The following CAMK2D variants were observed in gnomAD, a reference collection of about 807,000 sequenced individuals.
The protein encoded by CAMK2D is calcium/calmodulin dependent protein kinase II delta.
CAMK2D carries 37 observed loss-of-function variants against 84.0 expected under a neutral mutation model. The observed-to-expected ratio is 0.44, with a 90% CI of 0.34 to 0.58. The LOEUF is 0.58. CAMK2D is among the 20% of genes least tolerant of loss of function. The pLI is 0.02. For synonymous variants in CAMK2D, 202 were observed against 212.5 expected (o/e 0.95, Z 0.43); for missense variants, 448 against 652.5 (o/e 0.69, Z 3.41).
At chr4:113,637,929 G>T (rs1423924994) in intron 3 of CAMK2D, among the ~76,000 whole-genome samples, 2 of 151,986 alleles carry the variant, frequency 1.3e-5, no homozygotes, top group Non-Finnish European at 2.9e-5. Context: ...CCAGTTTGTG[G>T]ACCAAAAGCA....
In CAMK2D at chr4:113,451,438, C is replaced by T. The variant is rs2097257229; in HGVS notation, c.*3107G>A. On this transcript the variant is annotated 3_prime_UTR_variant, in exon 21 of 21. Transcript: ENST00000511664. ...TTTCTATCAAATATCATTCTAGTCACTCTGTACCCATTAATCCTCACAATA... is the reference window on the plus strand; with the variant it reads ...TTTCTATCAAATATCATTCTAGTCATTCTGTACCCATTAATCCTCACAATA... 6.6e-6 allele frequency: 1 copy of T among 152,182 alleles called. No homozygotes were observed. The allele number at this position is 152,182 out of a possible 1,614,324, so 9.4% of individuals were successfully genotyped here. A position where few individuals can be genotyped will look rare whatever the true frequency, so the allele number is the denominator to read the frequency against.
intron 3 of CAMK2D, among the ~76,000 whole-genome samples, chr4:113,638,365 A>T (rs2099118333): frequency 6.6e-6 from 1 of 152,104 alleles, no homozygotes. Context: ...GAAAAATGAG[A>T]TAGAGGTTTG....
At chr4:113,517,949 T>C (rs1212617568) in intron 8 of CAMK2D, among the ~76,000 whole-genome samples, 1 of 152,162 alleles carries the variant, frequency 6.6e-6, no homozygotes, top group Admixed American at 6.5e-5. Context: ...TTGGCCCCCC[T>C]GAACTCTTGT....
intron 8 of CAMK2D, among the ~76,000 whole-genome samples, chr4:113,521,033 A>G (rs183469926): frequency 6.6e-6 from 1 of 152,312 alleles, no homozygotes; most frequent in East Asian, 1.9e-4. Context: ...ACAAACAAAC[A>G]AACAAAATGA....
chr4:113,546,428 C>T (rs1340661958), intron 6 of CAMK2D, among the ~76,000 whole-genome samples: 1 of 152,148 alleles, frequency 6.6e-6, no homozygotes, highest in Non-Finnish European at 1.5e-5. Context: ...TTAACCATAC[C>T]TTTGCTTTTG....
intron 2 of CAMK2D, among the ~76,000 whole-genome samples, chr4:113,698,040 T>G (rs1300818431): frequency 6.6e-6 from 1 of 152,064 alleles, no homozygotes; most frequent in Non-Finnish European, 1.5e-5. Flanking sequence ...ATTTAATACA[T>G]CTAACTTAAC....
chr4:113,711,458 G>A (rs2154355000), intron 2 of CAMK2D, among the ~76,000 whole-genome samples: 2 of 152,220 alleles, frequency 1.3e-5, no homozygotes, highest in African/African-American at 4.8e-5. Flanking sequence ...TTGTATAGAT[G>A]TGAACATATT....
rs376341305 is a variant in CAMK2D, at chr4:113,710,897, C to T, written c.160+48423G>A. Among the ~76,000 whole-genome samples, 73 of 152,186 alleles carry T rather than the reference C, an allele frequency of 4.8e-4. 3 individuals are homozygous for T. In the South Asian group the frequency reaches 0.013, roughly 28 times the overall value. ...GTACACAACTTCAATAGTAAGAGAT[C>T]GAATGTTTCTCTAATGCATGTCTTC... is the stretch of plus-strand genomic sequence containing the variant. On this transcript the variant is annotated intron_variant, in intron 2 of 20. Transcript: ENST00000511664.
chr4:113,673,687 G>A lies in CAMK2D; in HGVS notation c.161-11915C>T, dbSNP rs558131704. Among the ~76,000 whole-genome samples, 4 of 152,330 alleles carry A rather than the reference G, an allele frequency of 2.6e-5. No individual in the cohort carries two copies. In the East Asian group the frequency reaches 7.7e-4, roughly 29 times the overall value. On this transcript the variant is annotated intron_variant, in intron 2 of 20. Transcript: ENST00000511664. ...ACAGCTCTTCTCTAAAAGGCCCTAA[G>A]GGCAGCCAGTGAGTGGGAGAGGAAG...
intron 4 of CAMK2D, among the ~76,000 whole-genome samples, chr4:113,602,217 T>C (rs2098956307): frequency 6.6e-6 from 1 of 152,210 alleles, no homozygotes; most frequent in Admixed American, 6.5e-5. Flanking sequence ...AACGTTGTAT[T>C]GTACTGTAAT....
intron 3 of CAMK2D, among the ~76,000 whole-genome samples, chr4:113,638,063 G>C (rs1023383941): frequency 1.3e-5 from 2 of 152,154 alleles, no homozygotes; most frequent in Non-Finnish European, 1.5e-5. Flanking sequence ...TGTAGCTTCA[G>C]AGCTGGCTCC....
intron 8 of CAMK2D, among the ~76,000 whole-genome samples, chr4:113,530,280 A>G (rs1200499418): frequency 6.6e-6 from 1 of 152,192 alleles, no homozygotes; most frequent in Admixed American, 6.5e-5. Context: ...ATACACATCT[A>G]AACACATAGC....
rs757823700 is a variant in CAMK2D, at chr4:113,513,336, T to C, written c.938A>G (p.Asn313Ser). ...AILTTMLATR[N>S]FSAAKSLLKK... ...GTTCCCAATGCATGTACCTGAGAAATTCCTTGTAGCCAGCATAGTTGTCAA... is the reference window on the plus strand; with the variant it reads ...GTTCCCAATGCATGTACCTGAGAAACTCCTTGTAGCCAGCATAGTTGTCAA... Residue 313 changes from asparagine (N) to serine (S), a missense_variant, in exon 12 of 21, where the codon AAT becomes AGT. Asn to Ser is a conservative substitution (Grantham distance 46). Coordinates refer to ENST00000511664, the MANE Select transcript of CAMK2D (RefSeq NM_001321571.2). 6.2e-7 allele frequency: 1 copy of C among 1,613,722 alleles called. No individual in the cohort carries two copies.
intron 2 of CAMK2D, chr4:113,754,870 G>A (rs185500430): frequency 1.3e-4 from 123 of 982,636 alleles, no homozygotes; most frequent in Non-Finnish European, 1.4e-4. Flanking sequence ...CTGAAGAGTT[G>A]TGGAGATTCT....
At chr4:113,709,746 G>GATATATACATACATATAT (rs1298341709) in intron 2 of CAMK2D, among the ~76,000 whole-genome samples, 1 of 49,824 alleles carries the variant, frequency 2.0e-5, no homozygotes, top group African/African-American at 1.1e-4. Context: ...AGCCGTGAAC[G>GATATATACATACATATAT]ATATATATAT....
At chr4:113,534,098 G>C (rs2098474722) in intron 7 of CAMK2D, among the ~76,000 whole-genome samples, 2 of 151,916 alleles carry the variant, frequency 1.3e-5, no homozygotes, top group South Asian at 4.1e-4. Context: ...AAATAACAAA[G>C]CTTTTCCTCC....
intron 2 of CAMK2D, among the ~76,000 whole-genome samples, chr4:113,686,028 A>C (rs566900755): frequency 6.6e-6 from 1 of 151,706 alleles, no homozygotes; most frequent in Non-Finnish European, 1.5e-5. Flanking sequence ...CATGCCTTGC[A>C]CTCCAGCCTG....
intron 2 of CAMK2D, among the ~76,000 whole-genome samples, chr4:113,746,819 T>C (rs146867671): frequency 8.9e-4 from 135 of 151,956 alleles, no homozygotes; most frequent in African/African-American, 3.0e-3. Flanking sequence ...GTGACTCTGA[T>C]ACTAAAATTC....
chr4:113,455,826 TAAGAG>T lies in CAMK2D; in HGVS notation c.1536-10_1536-6del, dbSNP rs2097297359. Reference sequence around the variant, plus strand: ...CCATTTGGAATACAGGGTGGCCTATTAAGAGAAGCCCCATTTAAGCCACCTGGCAT... The same window carrying T: ...CCATTTGGAATACAGGGTGGCCTATTAAGCCCCATTTAAGCCACCTGGCAT... On this transcript the variant is annotated splice_polypyrimidine_tract_variant and splice_region_variant and intron_variant, in intron 19 of 20. Transcript: ENST00000511664. The T allele has an allele frequency of 6.3e-7, 1 of 1,580,766 alleles. No individual in the cohort carries two copies. Among genetic ancestry groups the T allele is most frequent in the African/African-American group, 1.3e-5 (1 of 74,166 alleles).
Sources: allele counts gnomAD v4.1 joint callset (sites outside exome capture counted in the v4.1 genomes callset), GRCh38; gene constraint gnomAD v4.1.1; transcripts MANE v1.5; gene names NCBI Gene and HGNC (gene_info 2026-07-23, HGNC 2026-07-21).